The following LLGL2 variants were observed in gnomAD, a reference collection of about 807,000 sequenced individuals.
The protein encoded by LLGL2 is LLGL scribble cell polarity complex component 2.
In LLGL2, 81 loss-of-function variants were observed where a neutral mutation model predicts 123.2. That is an observed-to-expected ratio of 0.66 (90% confidence interval 0.55 to 0.79). LLGL2 has a LOEUF of 0.79. LLGL2 is among the 30% of genes least tolerant of loss of function. The pLI is 0.00. For synonymous variants in LLGL2, 577 were observed against 594.1 expected (o/e 0.97, Z 0.42); for missense variants, 1,273 against 1,414.6 (o/e 0.90, Z 1.61).
rs2147372990 is a variant in LLGL2, at chr17:75,558,433, CTG to C, written c.256-78_256-77del. 1.5e-6 allele frequency: 2 copies of C among 1,307,284 alleles called. No homozygotes were observed. The highest frequency in any genetic ancestry group is 1.3e-5 in the South Asian group (1 of 76,004). The allele number at this position is 1,307,284 out of a possible 1,614,324, so 81.0% of individuals were successfully genotyped here. On this transcript the variant is annotated intron_variant, in intron 4 of 25. Transcript: ENST00000392550. This position sits in a 1 kb window ranked among gnomAD's most constrained non-coding sequence, Gnocchi z 4.0. ...AGTGGCCAGGGGGTCTTTTAAACAA[CTG>C]GGGCTGCGTGGCCCCAGTGTGTAAA...
chr17:75,560,827 AAAAAAC>A (rs2055181694), intron 6 of LLGL2, among the ~76,000 whole-genome samples: 1 of 111,650 alleles, frequency 9.0e-6, no homozygotes, highest in Non-Finnish European at 1.7e-5. Flanking sequence ...AAAAAAAAAA[AAAAAAC>A]AAAGAAAAAA....
At chr17:75,546,634 ACAGG>A (rs2054439479) in intron 2 of LLGL2, among the ~76,000 whole-genome samples, 3 of 35,298 alleles carry the variant, frequency 8.5e-5, no homozygotes, top group African/African-American at 1.5e-4. Context: ...GGTCCAGCAG[ACAGG>A]CGGAGGGCAG....
At chr17:75,545,041 C>T (rs921040818) in intron 2 of LLGL2, among the ~76,000 whole-genome samples, 22 of 152,120 alleles carry the variant, frequency 1.4e-4, no homozygotes, top group African/African-American at 4.8e-4. Context: ...TGACCCCCAT[C>T]TGCCTCCAGT....
At chr17:75,532,080 T>TACACACACACACAC (rs1444218695) in intron 1 of LLGL2, among the ~76,000 whole-genome samples, 12 of 28,234 alleles carry the variant, frequency 4.3e-4, no homozygotes, top group Non-Finnish European at 1.0e-3. Flanking sequence ...ACACACACTT[T>TACACACACACACAC]TTTTTTTTTT....
upstream of LLGL2, among the ~76,000 whole-genome samples, chr17:75,525,571 A>C (rs1400165973): frequency 6.6e-6 from 1 of 150,386 alleles, no homozygotes; most frequent in African/African-American, 2.4e-5. The surrounding 1 kb of genome is among the most constrained non-coding windows in gnomAD (Gnocchi z 4.8). Flanking sequence ...GCAGGAGCGC[A>C]GCCCCCACCC....
intron 19 of LLGL2, among the ~76,000 whole-genome samples, 172 bp from the exon 20 acceptor site, chr17:75,572,842 G>A (rs984635319): frequency 6.6e-6 from 1 of 151,086 alleles, no homozygotes; most frequent in Non-Finnish European, 1.5e-5. Context: ...AAAAAATCCA[G>A]ATAGGGAAGT....
At chr17:75,545,511 G>T (rs1450222773) in intron 2 of LLGL2, among the ~76,000 whole-genome samples, 4 of 152,102 alleles carry the variant, frequency 2.6e-5, no homozygotes, top group African/African-American at 9.7e-5. Flanking sequence ...CATCCGGCTC[G>T]GGGAGTGTGG....
intron 1 of LLGL2, among the ~76,000 whole-genome samples, chr17:75,542,273 C>T (rs901627852): frequency 2.6e-5 from 4 of 152,190 alleles, no homozygotes; most frequent in African/African-American, 7.2e-5. Flanking sequence ...CCTCCCACTT[C>T]GGGCCAGGTG....
rs988742283 is a variant in LLGL2, at chr17:75,570,081, G to T, written c.1700G>T (p.Arg567Leu). 1.2e-6 allele frequency: 2 copies of T among 1,611,500 alleles called. No homozygotes were observed. The highest frequency in any genetic ancestry group is 1.3e-5 in the African/African-American group (1 of 74,910). Residue 567 changes from arginine to leucine, a missense_variant, in exon 15 of 26, where the codon CGC becomes CTC. By Grantham distance (102) the Arg-to-Leu change is moderately radical. Transcript: ENST00000392550. Reference sequence around the variant, plus strand: ...AAGGGGCACGAGCGCCTGGCAGCCCGCTCAGGGCCCGTGCGCTTTGAGCCT... The same window carrying T: ...AAGGGGCACGAGCGCCTGGCAGCCCTCTCAGGGCCCGTGCGCTTTGAGCCT... The part of the protein sequence containing the change: ...RWKGHERLAA[R>L]SGPVRFEPGF...
chr17:75,568,114 AG>A (rs1315860208), intron 10 of LLGL2: 1 of 1,160,740 alleles, frequency 8.6e-7, no homozygotes, highest in African/African-American at 1.6e-5. Flanking sequence ...CTGTGGGGAG[AG>A]GCTTGACAGG....
In LLGL2 at chr17:75,568,528, G is replaced by A; in HGVS notation, c.1089G>A (p.Val363=). Residue 363 remains valine, a synonymous_variant, in exon 11 of 26, where the codon GTG becomes GTA. Coordinates refer to ENST00000392550, the MANE Select transcript of LLGL2 (RefSeq NM_001031803.2). ...LVVLAEEELV[V]IDLQTAGWPP... ...TGCTGGCTGAGGAGGAGCTGGTGGT[G>A]ATTGACCTGCAGACAGCAGGCTGGC... 1 of 1,613,604 alleles carries A rather than the reference G, an allele frequency of 6.2e-7. No homozygotes were observed. Among genetic ancestry groups the A allele is most frequent in the South Asian group, 1.1e-5 (1 of 91,082 alleles).
intron 1 of LLGL2, among the ~76,000 whole-genome samples, chr17:75,531,735 C>T (rs949209365): frequency 1.3e-5 from 2 of 152,230 alleles, no homozygotes; most frequent in Non-Finnish European, 2.9e-5. Flanking sequence ...AGGAGACCCT[C>T]GCTCACTGTG....
chr17:75,568,548 G>C lies in LLGL2; in HGVS notation c.1109G>C (p.Gly370Ala), dbSNP rs750317285. 2 of 1,613,658 alleles carry C rather than the reference G, an allele frequency of 1.2e-6. No individual in the cohort carries two copies. Among genetic ancestry groups the C allele is most frequent in the Non-Finnish European group, 1.7e-6 (2 of 1,180,002 alleles). Residue 370 changes from glycine (G) to alanine (A), a missense_variant, in exon 11 of 26, where the codon GGC becomes GCC. Physicochemically the swap from Gly to Ala is moderately conservative, Grantham distance 60. Coordinates refer to ENST00000392550, the MANE Select transcript of LLGL2 (RefSeq NM_001031803.2). ...GTGGTGATTGACCTGCAGACAGCAG[G>C]CTGGCCACCGGTCCAGCTGCCCTAC... Reference protein sequence around the residue: ...ELVVIDLQTAGWPPVQLPYLA... With the variant: ...ELVVIDLQTAAWPPVQLPYLA...
At position 75,568,808 on chromosome 17, in the gene LLGL2, G is replaced by A. The variant is rs2055559929; in HGVS notation, c.1291G>A (p.Ala431Thr). 1 of 1,598,588 alleles carries A rather than the reference G, an allele frequency of 6.3e-7. No individual in the cohort carries two copies. Among genetic ancestry groups the A allele is most frequent in the Admixed American group, 1.7e-5 (1 of 59,154 alleles). ...PIDGGTSLTP[A>T]PPQRDLLLTG... ...TGATGGTGGCACCAGCCTGACCCCA[G>A]CCCCACCCCAGAGGGACCTGCTGCT... is the stretch of plus-strand genomic sequence containing the variant. Residue 431 changes from alanine (A) to threonine (T), a missense_variant, in exon 12 of 26, where the codon GCC becomes ACC. Physicochemically the swap from Ala to Thr is moderately conservative, Grantham distance 58. Coordinates refer to ENST00000392550, the MANE Select transcript of LLGL2 (RefSeq NM_001031803.2).
rs1307610428 is a variant in LLGL2, at chr17:75,549,512, G to T, written c.75+6011G>T. On this transcript the variant is annotated intron_variant, in intron 2 of 25. Coordinates refer to ENST00000392550, the MANE Select transcript of LLGL2 (RefSeq NM_001031803.2). This position sits in a 1 kb window ranked among gnomAD's most constrained non-coding sequence, Gnocchi z 4.0. Reference sequence around the variant, plus strand: ...GTGTGTTCCTGACCCAGCAGCCCCTGCGGAGGGCCAGGTTGTTCTGTATTG... The same window carrying T: ...GTGTGTTCCTGACCCAGCAGCCCCTTCGGAGGGCCAGGTTGTTCTGTATTG... 6.6e-6 allele frequency among the ~76,000 whole-genome samples: 1 copy of T among 152,138 alleles called. No homozygotes were observed. Among genetic ancestry groups the T allele is most frequent in the Admixed American group, 6.5e-5 (1 of 15,276 alleles).
At chr17:75,539,695 C>T (rs1035073974) in intron 1 of LLGL2, among the ~76,000 whole-genome samples, 4 of 151,790 alleles carry the variant, frequency 2.6e-5, no homozygotes, top group Non-Finnish European at 4.4e-5. Context: ...GTAACCTCCA[C>T]CTCCCAGGTT....
intron 19 of LLGL2, 145 bp from the exon 20 acceptor site, chr17:75,572,869 C>A: frequency 1.0e-6 from 1 of 964,536 alleles, no homozygotes; most frequent in Non-Finnish European, 1.5e-6. Context: ...CCTCGGCATC[C>A]TCCCAGGCCA....
intron 2 of LLGL2, among the ~76,000 whole-genome samples, chr17:75,545,408 C>T (rs775599771): frequency 1.3e-5 from 2 of 152,134 alleles, no homozygotes; most frequent in Non-Finnish European, 2.9e-5. Context: ...TTACAGTCTG[C>T]AGGAGGGAGG....
intron 6 of LLGL2, among the ~76,000 whole-genome samples, chr17:75,560,393 C>T (rs1174109753): frequency 2.0e-5 from 3 of 152,156 alleles, no homozygotes; most frequent in Admixed American, 6.5e-5. Context: ...TGCCCAGCCT[C>T]ACCCTGTAGT....
Sources: gnomAD v4.1 joint callset for allele counts (sites outside exome capture counted in the v4.1 genomes callset) on GRCh38, gnomAD v4.1.1 for gene constraint, Gnocchi (gnomAD v3.1) non-coding constraint, MANE v1.5 for transcripts, NCBI Gene and HGNC (gene_info 2026-07-23, HGNC 2026-07-21) for gene names.